Variants in NEDD4L observed in about 807,000 individuals in gnomAD.
The protein encoded by NEDD4L is E3 ubiquitin-protein ligase NEDD4-like.
A neutral mutation model predicts 148.9 loss-of-function variants in NEDD4L; 54 were observed. The ratio of observed to expected loss-of-function variants is 0.36; its 90% CI spans 0.29 to 0.45. NEDD4L has a LOEUF of 0.45. Ranked by LOEUF, NEDD4L falls within the 20% of genes least tolerant of loss-of-function variation. NEDD4L has a pLI of 1.00. For missense variants in NEDD4L, 856 were observed against 1,233.8 expected, an observed-to-expected ratio of 0.69 and a Z score of 4.59; for synonymous variants, 433 against 440.7, an observed-to-expected ratio of 0.98 and a Z score of 0.22.
chr18:58,062,880 C>T (rs1301771111), intron 1 of NEDD4L, among the ~76,000 whole-genome samples: 5 of 150,326 alleles, frequency 3.3e-5, no homozygotes, highest in South Asian at 2.1e-4. Flanking sequence ...CCCAGCTACT[C>T]GGGAGTCTGA....
At chr18:58,103,983 T>A (rs1343897954) in intron 1 of NEDD4L, among the ~76,000 whole-genome samples, 1 of 152,232 alleles carries the variant, frequency 6.6e-6, no homozygotes, top group Non-Finnish European at 1.5e-5. Flanking sequence ...TGTATGCTTA[T>A]TCAAACTTAC....
chr18:58,217,760 G>T (rs111484157), intron 2 of NEDD4L, among the ~76,000 whole-genome samples: 124 of 151,914 alleles, frequency 8.2e-4, no homozygotes, highest in African/African-American at 3.0e-3. Flanking sequence ...GATATAAATT[G>T]GTTACCATTT....
At chr18:58,329,884 G>T (rs1459410373) in intron 10 of NEDD4L, among the ~76,000 whole-genome samples, 1 of 152,154 alleles carries the variant, frequency 6.6e-6, no homozygotes, top group Non-Finnish European at 1.5e-5. Flanking sequence ...CTCATTAAAT[G>T]ACAGCTTGTT....
chr18:58,234,706 G>C (rs2045799519), intron 2 of NEDD4L, among the ~76,000 whole-genome samples: 1 of 152,070 alleles, frequency 6.6e-6, no homozygotes, highest in South Asian at 2.1e-4. Flanking sequence ...AATACTGGGG[G>C]AACATAGTTC....
intron 1 of NEDD4L, among the ~76,000 whole-genome samples, chr18:58,099,153 C>T (rs2084604291): frequency 6.6e-6 from 1 of 151,946 alleles, no homozygotes; most frequent in Non-Finnish European, 1.5e-5. Flanking sequence ...CCAGATTCTT[C>T]TGGTTATTTT....
At chr18:58,293,183 T>A (rs2055016249) in intron 5 of NEDD4L, among the ~76,000 whole-genome samples, 1 of 152,212 alleles carries the variant, frequency 6.6e-6, no homozygotes, top group Non-Finnish European at 1.5e-5. Flanking sequence ...AGAGCAAACT[T>A]GGTTGGTGAG....
chr18:58,232,821 T>G (rs1399637370), intron 2 of NEDD4L, among the ~76,000 whole-genome samples: 2 of 152,162 alleles, frequency 1.3e-5, no homozygotes, highest in African/African-American at 4.8e-5. Context: ...GCAAGTTGTT[T>G]TTCTGAGAGT....
intron 2 of NEDD4L, among the ~76,000 whole-genome samples, chr18:58,208,934 G>A (rs1297836950): frequency 6.6e-6 from 1 of 152,070 alleles, no homozygotes; most frequent in African/African-American, 2.4e-5. Flanking sequence ...ACTGATTCTA[G>A]ATATTTAATA....
intron 5 of NEDD4L, among the ~76,000 whole-genome samples, chr18:58,264,652 TG>T (rs2049958617): frequency 1.3e-5 from 2 of 152,038 alleles, no homozygotes. Context: ...TGCAGACATT[TG>T]TGGCATCTGT....
At chr18:58,105,607 C>G (rs556788481) in intron 1 of NEDD4L, among the ~76,000 whole-genome samples, 2 of 146,162 alleles carry the variant, frequency 1.4e-5, no homozygotes, top group South Asian at 2.1e-4. Context: ...TTTGTCTGAG[C>G]TGTGTGTTTA....
chr18:58,182,170 TGCCTAAGTGGATATGCATA>T (rs2038932137), intron 2 of NEDD4L, among the ~76,000 whole-genome samples: 1 of 152,162 alleles, frequency 6.6e-6, no homozygotes, highest in Non-Finnish European at 1.5e-5. Flanking sequence ...CTGGGCAGAT[TGCCTAAGTGGATATGCATA>T]GCAAAGAACT....
At chr18:58,321,467 T>A (rs1731592824) in intron 6 of NEDD4L, among the ~76,000 whole-genome samples, 1 of 152,190 alleles carries the variant, frequency 6.6e-6, no homozygotes, top group Admixed American at 6.5e-5. Context: ...TGGTTCCCAA[T>A]GAGGTTAAAG....
At chr18:58,315,798 T>G (rs2058190469) in intron 5 of NEDD4L, among the ~76,000 whole-genome samples, 184 bp from the exon 6 acceptor site, 2 of 152,202 alleles carry the variant, frequency 1.3e-5, no homozygotes, top group Admixed American at 1.3e-4. Context: ...GCCAGCTCAG[T>G]CCAGGCGCAC....
intron 5 of NEDD4L, among the ~76,000 whole-genome samples, chr18:58,299,892 A>G (rs2056229310): frequency 6.6e-6 from 1 of 152,224 alleles, no homozygotes; most frequent in Non-Finnish European, 1.5e-5. Context: ...TCCATTTATG[A>G]TCTGCCAGAT....
chr18:58,057,103 C>A (rs2082121822), intron 1 of NEDD4L, among the ~76,000 whole-genome samples: 1 of 151,824 alleles, frequency 6.6e-6, no homozygotes, highest in Non-Finnish European at 1.5e-5. Flanking sequence ...GCACGGTGAC[C>A]CTGCATTCCA....
intron 1 of NEDD4L, among the ~76,000 whole-genome samples, chr18:58,100,129 A>G (rs1356576170): frequency 1.3e-5 from 2 of 152,180 alleles, no homozygotes; most frequent in African/African-American, 4.8e-5. Context: ...AAGGAAGCAC[A>G]GGACCTGCCT....
chr18:58,393,920 A>G (rs2050148881), intron 30 of NEDD4L, among the ~76,000 whole-genome samples: 2 of 152,188 alleles, frequency 1.3e-5, no homozygotes, highest in Admixed American at 6.5e-5. Context: ...ACTTCATTTC[A>G]TTGTTCTATA....
chr18:58,089,841 C>CT (rs759472299), intron 1 of NEDD4L, among the ~76,000 whole-genome samples: 32,562 of 137,880 alleles, frequency 0.24, 4,146 homozygotes, highest in Admixed American at 0.3. Context: ...CTTCCTTTTC[C>CT]TTTTTTTTTT....
chr18:58,078,245 T>C (rs1003759122), intron 1 of NEDD4L, among the ~76,000 whole-genome samples: 5 of 152,198 alleles, frequency 3.3e-5, no homozygotes, highest in Admixed American at 3.3e-4. Flanking sequence ...TCTAAAAGCT[T>C]GTTAGATGGT....
Sources: allele counts gnomAD v4.1 joint callset (sites outside exome capture counted in the v4.1 genomes callset), GRCh38; gene constraint gnomAD v4.1.1; transcripts MANE v1.5; gene names NCBI Gene and HGNC (gene_info 2026-07-23, HGNC 2026-07-21).